MACROD2: variants seen among roughly 807,000 people sequenced by gnomAD.
The protein encoded by MACROD2 is mono-ADP ribosylhydrolase 2, also known as ADP-ribose glycohydrolase MACROD2.
MACROD2 carries 36 observed loss-of-function variants against 70.4 expected under a neutral mutation model. The ratio of observed to expected loss-of-function variants is 0.51; its 90% CI spans 0.39 to 0.68. MACROD2 has a LOEUF of 0.68. Among genes scored for constraint, MACROD2 ranks in the 30% least tolerant of loss-of-function variants. The pLI, the probability that MACROD2 is intolerant of heterozygous loss-of-function variation, is 0.00. For missense variants in MACROD2, 496 were observed against 538.4 expected (o/e 0.92, Z 0.78); for synonymous variants, 172 against 178.8 (o/e 0.96, Z 0.30).
chr20:15,233,001 ATCTAGTGGTTGT>A (rs2076972338), intron 6 of MACROD2, among the ~76,000 whole-genome samples: 1 of 152,030 alleles, frequency 6.6e-6, no homozygotes, highest in Non-Finnish European at 1.5e-5. Flanking sequence ...CAAAGAGAGG[ATCTAGTGGTTGT>A]TTTCTAACAA....
chr20:16,010,481 G>A (rs1469056848), intron 15 of MACROD2, among the ~76,000 whole-genome samples: 1 of 152,030 alleles, frequency 6.6e-6, no homozygotes, highest in African/African-American at 2.4e-5. Flanking sequence ...TTTATATTTT[G>A]TACCAGACAT....
chr20:15,602,046 A>G (rs1276361327), intron 8 of MACROD2, among the ~76,000 whole-genome samples: 2 of 152,076 alleles, frequency 1.3e-5, no homozygotes, highest in African/African-American at 2.4e-5. Context: ...AAAGAACTTG[A>G]ACTGTTTCGA....
chr20:15,064,963 A>G (rs909921262), intron 5 of MACROD2, among the ~76,000 whole-genome samples: 1 of 152,156 alleles, frequency 6.6e-6, no homozygotes, highest in Non-Finnish European at 1.5e-5. Flanking sequence ...ACATAAAGTT[A>G]AGTGTGCACA....
chr20:14,094,738 T>C (rs2054199450), intron 3 of MACROD2, among the ~76,000 whole-genome samples: 1 of 152,122 alleles, frequency 6.6e-6, no homozygotes, highest in Non-Finnish European at 1.5e-5. Context: ...AAATTATCTT[T>C]CTCACATTAC....
chr20:14,752,676 G>A (rs912797513), intron 5 of MACROD2, among the ~76,000 whole-genome samples: 5 of 152,054 alleles, frequency 3.3e-5, no homozygotes, highest in African/African-American at 1.2e-4. Flanking sequence ...ATGGATAGAG[G>A]TAAAATGCCT....
chr20:15,218,870 A>G (rs1414196221), intron 5 of MACROD2, among the ~76,000 whole-genome samples: 1 of 88,676 alleles, frequency 1.1e-5, no homozygotes, highest in Non-Finnish European at 2.4e-5. Context: ...ATGGTGAAAC[A>G]CTTGTCTCTA....
intron 15 of MACROD2, among the ~76,000 whole-genome samples, chr20:16,035,498 T>C (rs1393237738): frequency 6.6e-6 from 1 of 151,864 alleles, no homozygotes; most frequent in African/African-American, 2.4e-5. Flanking sequence ...TGATAGATGA[T>C]TTTAGGTGAT....
At chr20:15,148,332 G>A (rs1013552689) in intron 5 of MACROD2, among the ~76,000 whole-genome samples, 2 of 151,868 alleles carry the variant, frequency 1.3e-5, no homozygotes, top group Non-Finnish European at 2.9e-5. Flanking sequence ...AAAACTAAAC[G>A]GAATAAGAGA....
chr20:14,981,587 A>T (rs1210914875), intron 5 of MACROD2, among the ~76,000 whole-genome samples: 1 of 151,870 alleles, frequency 6.6e-6, no homozygotes, highest in Non-Finnish European at 1.5e-5. Flanking sequence ...ATGGGGGCAG[A>T]TCTTTCCTGT....
At chr20:14,399,529 A>G (rs2083615789) in intron 3 of MACROD2, among the ~76,000 whole-genome samples, 1 of 151,930 alleles carries the variant, frequency 6.6e-6, no homozygotes, top group Non-Finnish European at 1.5e-5. Context: ...TTTGATGATA[A>G]TTTGCTTTGT....
chr20:15,152,208 C>T (rs1260993712), intron 5 of MACROD2, among the ~76,000 whole-genome samples: 1 of 151,862 alleles, frequency 6.6e-6, no homozygotes, highest in Non-Finnish European at 1.5e-5. Flanking sequence ...AGCGGCATTG[C>T]AGGAGAAAAT....
intron 5 of MACROD2, among the ~76,000 whole-genome samples, chr20:15,182,816 G>A (rs2076509668): frequency 6.6e-6 from 1 of 152,074 alleles, no homozygotes. Context: ...CTCTATTTAG[G>A]ATGTGTTCAC....
chr20:15,765,645 G>A (rs534141151), intron 8 of MACROD2, among the ~76,000 whole-genome samples: 10 of 152,196 alleles, frequency 6.6e-5, no homozygotes, highest in African/African-American at 2.2e-4. Context: ...TTGTGTTAAA[G>A]AGGGAAAACA....
At chr20:15,102,442 T>C (rs1452499683) in intron 5 of MACROD2, among the ~76,000 whole-genome samples, 2 of 151,998 alleles carry the variant, frequency 1.3e-5, no homozygotes, top group African/African-American at 4.8e-5. Context: ...CTCCCACATA[T>C]ATACTCTGGT....
intron 8 of MACROD2, among the ~76,000 whole-genome samples, chr20:15,764,652 C>G (rs1018653482): frequency 6.6e-6 from 1 of 152,204 alleles, no homozygotes; most frequent in Admixed American, 6.5e-5. Flanking sequence ...TAGTTCAAAA[C>G]ATCATTGCCT....
At chr20:15,433,758 A>AAC (rs2046393680) in intron 7 of MACROD2, among the ~76,000 whole-genome samples, 1 of 151,726 alleles carries the variant, frequency 6.6e-6, no homozygotes, top group Non-Finnish European at 1.5e-5. Flanking sequence ...TAAGCAAAAA[A>AAC]AAAAATCTGG....
rs931260899 is a variant in MACROD2, at chr20:15,325,155, A to G, written c.540+95094A>G. Reference sequence around the variant, plus strand: ...AGATGTAAAAGTATGATAACATACAATCTTTCACCCCATTGGTCCTTGTTG... The same window carrying G: ...AGATGTAAAAGTATGATAACATACAGTCTTTCACCCCATTGGTCCTTGTTG... On this transcript the variant is annotated intron_variant, in intron 6 of 17. Transcript: ENST00000684519. 5.3e-5 allele frequency among the ~76,000 whole-genome samples: 8 copies of G among 152,148 alleles called. 1 individual carries two copies. The South Asian group carries it at 8.3e-4, about 16-fold the overall frequency.
intron 8 of MACROD2, among the ~76,000 whole-genome samples, chr20:15,737,859 AATGGATGG>A (rs74175640): frequency 6.7e-6 from 1 of 149,714 alleles, no homozygotes; most frequent in African/African-American, 2.4e-5. Flanking sequence ...TAAATAAATC[AATGGATGG>A]ATGGATGGAT....
chr20:14,186,376 A>T (rs979026441), intron 3 of MACROD2, among the ~76,000 whole-genome samples: 1 of 142,134 alleles, frequency 7.0e-6, no homozygotes, highest in Non-Finnish European at 1.6e-5. Context: ...ACTAATAATT[A>T]GAGAAATGCA....
Sources: gnomAD v4.1 joint callset for allele counts (sites outside exome capture counted in the v4.1 genomes callset) on GRCh38, gnomAD v4.1.1 for gene constraint, MANE v1.5 for transcripts, NCBI Gene and HGNC (gene_info 2026-07-23, HGNC 2026-07-21) for gene names.